Variants in TCF7L2 observed in about 807,000 individuals in gnomAD.
TCF7L2 encodes transcription factor 7-like 2.
Under a neutral mutation model 77.9 loss-of-function variants are expected in TCF7L2, and 23 were observed. The observed-to-expected ratio is 0.30, with a 90% CI of 0.21 to 0.42. The LOEUF (loss-of-function observed/expected upper bound fraction) is 0.42, where lower values mean the gene tolerates loss of function less well. TCF7L2 is among the 10% of genes least tolerant of loss of function. The pLI, the probability that TCF7L2 is intolerant of heterozygous loss-of-function variation, is 1.00. For synonymous variants in TCF7L2, 413 were observed against 340.2 expected, an observed-to-expected ratio of 1.21 and a Z score of -2.36; for missense variants, 654 against 793.1, an observed-to-expected ratio of 0.82 and a Z score of 2.11.
intron 4 of TCF7L2, among the ~76,000 whole-genome samples, chr10:112,990,556 A>G (rs767931570): frequency 4.0e-5 from 6 of 151,704 alleles, no homozygotes; most frequent in Non-Finnish European, 7.4e-5. Flanking sequence ...ACAAAACAAA[A>G]TCTAGCTGGG....
At chr10:112,951,302 G>T in intron 2 of TCF7L2, 29 bp downstream of exon 2, 1 of 1,110,984 alleles carries the variant, frequency 9.0e-7, no homozygotes, top group Non-Finnish European at 1.1e-6. Context: ...CCCCGCAGCC[G>T]CCCGGAGCCG....
At chr10:113,135,198 GC>G (rs1274380443) in intron 5 of TCF7L2, among the ~76,000 whole-genome samples, 1 of 152,180 alleles carries the variant, frequency 6.6e-6, no homozygotes, top group Non-Finnish European at 1.5e-5. Context: ...GGGTGTGTGG[GC>G]GCTTGGCGAT....
At chr10:113,056,655 C>T (rs1468878046) in intron 5 of TCF7L2, among the ~76,000 whole-genome samples, 1 of 152,196 alleles carries the variant, frequency 6.6e-6, no homozygotes, top group Non-Finnish European at 1.5e-5. Context: ...TAGGTAACCA[C>T]AAAAGCCATT....
intron 4 of TCF7L2, among the ~76,000 whole-genome samples, chr10:112,981,627 C>T (rs952906949): frequency 6.6e-6 from 1 of 152,044 alleles, no homozygotes; most frequent in Admixed American, 6.6e-5. Flanking sequence ...GAAAGGAGCC[C>T]GACAATGACT....
At chr10:112,986,568 A>G (rs1248048663) in intron 4 of TCF7L2, among the ~76,000 whole-genome samples, 1 of 152,186 alleles carries the variant, frequency 6.6e-6, no homozygotes, top group Non-Finnish European at 1.5e-5. Flanking sequence ...ATCAAAAAAG[A>G]TCAATCAAAG....
rs549225582 is a variant in TCF7L2, at chr10:113,135,506, A to G, written c.553-5678A>G. Among the ~76,000 whole-genome samples, 4 of 152,384 alleles carry G rather than the reference A, an allele frequency of 2.6e-5. No individual in the cohort carries two copies. The East Asian group carries it at 7.7e-4, about 29-fold the overall frequency. ...AAGCATAAAGCCCTGAATGATTTAA[A>G]GTCAGATGAGGATTTTGGTTCCTTT... On this transcript the variant is annotated intron_variant, in intron 5 of 13. Transcript: ENST00000627217.
intron 3 of TCF7L2, among the ~76,000 whole-genome samples, chr10:112,963,558 T>C (rs2035835847): frequency 6.6e-6 from 1 of 152,252 alleles, no homozygotes; most frequent in South Asian, 2.1e-4. Context: ...TCCTCATTAG[T>C]AGTTCCTATT....
At chr10:112,951,033 G>A (rs2030839775) in intron 1 of TCF7L2, 88 bp downstream of exon 1, 1 of 1,483,816 alleles carries the variant, frequency 6.7e-7, no homozygotes, top group African/African-American at 1.4e-5. Flanking sequence ...TCGGGGCTGG[G>A]GGCGGCGGCG....
chr10:113,150,935 T>A (rs2137121996), intron 8 of TCF7L2, 63 bp from the exon 9 acceptor site: 1 of 1,607,908 alleles, frequency 6.2e-7, no homozygotes, highest in Non-Finnish European at 8.5e-7. Flanking sequence ...TAATTGTGTG[T>A]ACACATCCCT....
chr10:113,115,481 CCT>C (rs1171393945), intron 5 of TCF7L2, among the ~76,000 whole-genome samples: 5 of 152,012 alleles, frequency 3.3e-5, no homozygotes, highest in African/African-American at 1.2e-4. Context: ...AAATGACAAA[CCT>C]CTCATTTGTT....
chr10:112,977,037 C>T (rs563576879), intron 4 of TCF7L2, among the ~76,000 whole-genome samples: 8 of 150,368 alleles, frequency 5.3e-5, no homozygotes, highest in African/African-American at 2.0e-4. Flanking sequence ...TTTTCATACA[C>T]TTTGACAATT....
rs565696071 is a variant in TCF7L2 at position 113,087,581 on chromosome 10, T to C, written c.552+47455T>C. ...CTCACGCTCCTGTTTACAAATCAGC[T>C]CTGTGAAGAAATGCAGAGTGGGAGG... On this transcript the variant is annotated intron_variant, in intron 5 of 13. Coordinates refer to ENST00000627217, the MANE Select transcript of TCF7L2 (RefSeq NM_001146274.2). Among the ~76,000 whole-genome samples, 12 of 152,270 alleles carry C rather than the reference T, an allele frequency of 7.9e-5. No homozygotes were observed. In the East Asian group the frequency reaches 2.3e-3, roughly 29 times the overall value.
intron 5 of TCF7L2, among the ~76,000 whole-genome samples, chr10:113,088,010 A>T (rs892331099): frequency 6.6e-6 from 1 of 152,194 alleles, no homozygotes; most frequent in Non-Finnish European, 1.5e-5. Context: ...ACGTAAAAAC[A>T]TACAAGATGT....
intron 4 of TCF7L2, among the ~76,000 whole-genome samples, chr10:113,025,270 C>T (rs1378704355): frequency 5.6e-5 from 8 of 143,162 alleles, no homozygotes; most frequent in Non-Finnish European, 1.2e-4. Flanking sequence ...TCAAGTCTCG[C>T]TCTGGTGCCC....
At chr10:112,961,416 T>A (rs768448735) in intron 3 of TCF7L2, among the ~76,000 whole-genome samples, 1 of 152,152 alleles carries the variant, frequency 6.6e-6, no homozygotes, top group Non-Finnish European at 1.5e-5. Context: ...TGGCCTACCA[T>A]CTTTTATTCT....
intron 3 of TCF7L2, among the ~76,000 whole-genome samples, chr10:112,961,282 A>G (rs2035140034): frequency 1.3e-5 from 1 of 79,992 alleles, no homozygotes; most frequent in African/African-American, 7.8e-5. Context: ...TCGGCCTTCC[A>G]AAGCGCTGGG....
chr10:112,976,020 A>T (rs897050116), intron 4 of TCF7L2, among the ~76,000 whole-genome samples: 1 of 152,194 alleles, frequency 6.6e-6, no homozygotes, highest in Non-Finnish European at 1.5e-5. Flanking sequence ...GTGGAGGTGA[A>T]TAGTTCAGTT....
intron 5 of TCF7L2, among the ~76,000 whole-genome samples, chr10:113,115,725 A>G (rs1209397466): frequency 6.6e-6 from 1 of 152,150 alleles, no homozygotes; most frequent in Non-Finnish European, 1.5e-5. Context: ...ATCTGTATCT[A>G]ATGGAGCTGT....
chr10:113,090,355 A>C (rs1275943882), intron 5 of TCF7L2, among the ~76,000 whole-genome samples: 5 of 152,210 alleles, frequency 3.3e-5, no homozygotes, highest in African/African-American at 1.2e-4. Flanking sequence ...GTCTTTAAAA[A>C]CATTTATTGT....
Sources: allele counts gnomAD v4.1 joint callset (sites outside exome capture counted in the v4.1 genomes callset), GRCh38; gene constraint gnomAD v4.1.1; transcripts MANE v1.5; gene names NCBI Gene and HGNC (gene_info 2026-07-23, HGNC 2026-07-21).